Variants in SYNCRIP observed in about 807,000 individuals in gnomAD.
SYNCRIP encodes heterogeneous nuclear ribonucleoprotein Q.
Under a neutral mutation model 68.9 loss-of-function variants are expected in SYNCRIP, and 9 were observed. The observed-to-expected ratio is 0.13, with a 90% confidence interval of 0.08 to 0.23. The LOEUF (loss-of-function observed/expected upper bound fraction) is 0.23, where lower values mean the gene tolerates loss of function less well. Among genes scored for constraint, SYNCRIP ranks in the 10% least tolerant of loss-of-function variants. SYNCRIP has a pLI of 1.00. For synonymous variants in SYNCRIP, 258 were observed against 254.0 expected, an observed-to-expected ratio of 1.02 and a Z score of -0.15; for missense variants, 414 against 770.6, an observed-to-expected ratio of 0.54 and a Z score of 5.48.
chr6:85,614,870 G>A lies in SYNCRIP; in HGVS notation c.1758C>T (p.Gly586=), dbSNP rs1395715423. The change falls in exon 11 of 11, where the codon GGC becomes GGT. Residue 586 remains glycine, a synonymous_variant. Transcript: ENST00000369622. ...KRRQTNNQNW[G]SQPIAQQPLQ... ...GCGGTTGCTGAGCAATGGGTTGGGA[G>A]CCCCAGTTCTGATTATTGGTCTGGC... 24 of 1,614,040 alleles carry A rather than the reference G, an allele frequency of 1.5e-5. No individual in the cohort carries two copies. Among genetic ancestry groups the A allele is most frequent in the East Asian group, 2.2e-5 (1 of 44,892 alleles).
intron 8 of SYNCRIP, among the ~76,000 whole-genome samples, chr6:85,622,091 G>A (rs1417060702): frequency 6.6e-6 from 1 of 152,118 alleles, no homozygotes; most frequent in African/African-American, 2.4e-5. Flanking sequence ...TGTGTCCAGG[G>A]CCAGGTGCAA....
At chr6:85,632,671 G>C (rs935349394) in intron 6 of SYNCRIP, among the ~76,000 whole-genome samples, 1 of 152,230 alleles carries the variant, frequency 6.6e-6, no homozygotes, top group Non-Finnish European at 1.5e-5. Context: ...GCCAGGCGCA[G>C]TGGCTCATGC....
intron 6 of SYNCRIP, among the ~76,000 whole-genome samples, chr6:85,624,718 G>T (rs112356980): frequency 1.3e-5 from 2 of 152,174 alleles, no homozygotes; most frequent in South Asian, 4.1e-4. Context: ...AAAGTAAATT[G>T]AATTTTCGAG....
At chr6:85,617,559 T>G (rs1805926243) in intron 10 of SYNCRIP, among the ~76,000 whole-genome samples, 1 of 152,234 alleles carries the variant, frequency 6.6e-6, no homozygotes, top group African/African-American at 2.4e-5. Context: ...TATATTTTCT[T>G]TGGTCCCAGA....
At chr6:85,626,180 A>C (rs1489424724) in intron 6 of SYNCRIP, among the ~76,000 whole-genome samples, 1 of 152,246 alleles carries the variant, frequency 6.6e-6, no homozygotes, top group Admixed American at 6.5e-5. Context: ...CCATCATTGC[A>C]CAGAATTATG....
At chr6:85,622,448 C>T in intron 8 of SYNCRIP, 34 bp downstream of exon 8, 1 of 1,598,978 alleles carries the variant, frequency 6.3e-7, no homozygotes, top group Non-Finnish European at 8.6e-7. Flanking sequence ...CCCATTAATC[C>T]CTCAAAAAAT....
At chr6:85,637,893 A>G (rs1269430833) in intron 4 of SYNCRIP, among the ~76,000 whole-genome samples, 2 of 152,332 alleles carry the variant, frequency 1.3e-5, no homozygotes, top group East Asian at 3.9e-4. Flanking sequence ...TTTACGTGCC[A>G]TATTTCATGG....
At chr6:85,627,897 G>C (rs751521852) in intron 6 of SYNCRIP, among the ~76,000 whole-genome samples, 3 of 152,130 alleles carry the variant, frequency 2.0e-5, no homozygotes, top group Non-Finnish European at 2.9e-5. Context: ...CTGTCATCAA[G>C]TCTCAAAATT....
intron 1 of SYNCRIP, among the ~76,000 whole-genome samples, chr6:85,642,457 G>C (rs1201190431): frequency 6.6e-6 from 1 of 152,156 alleles, no homozygotes; most frequent in Non-Finnish European, 1.5e-5. Context: ...CCGCACGGCT[G>C]CAGGACAAGA....
intron 6 of SYNCRIP, among the ~76,000 whole-genome samples, chr6:85,627,653 G>GT (rs1191619236): frequency 6.6e-6 from 1 of 152,140 alleles, no homozygotes; most frequent in African/African-American, 2.4e-5. Context: ...CTCAAGAAGT[G>GT]TATCAGGACA....
At chr6:85,610,007 T>C (rs940137283), downstream of SYNCRIP, 4 of 151,954 alleles carry the variant, frequency 2.6e-5, no homozygotes, top group African/African-American at 9.7e-5. Context: ...TTAGTTATTT[T>C]TGCATTTCCA....
intron 6 of SYNCRIP, among the ~76,000 whole-genome samples, chr6:85,635,518 C>T (rs1042102463): frequency 6.6e-6 from 1 of 151,982 alleles, no homozygotes; most frequent in Non-Finnish European, 1.5e-5. Context: ...GTCTGCAATC[C>T]CAGCACTTTG....
At chr6:85,608,436 A>G (rs1046093143) in exon 12 of SYNCRIP, 2 of 152,060 alleles carry the variant, frequency 1.3e-5, no homozygotes, top group Admixed American at 6.6e-5. Context: ...GATAGTACAG[A>G]TAGTTTTTGA....
At chr6:85,638,214 A>T (rs567690915) in intron 4 of SYNCRIP, among the ~76,000 whole-genome samples, 36 of 152,194 alleles carry the variant, frequency 2.4e-4, no homozygotes, top group African/African-American at 8.7e-4. Context: ...TCTACTAAAA[A>T]TACAAAAAAT....
downstream of SYNCRIP, chr6:85,611,587 A>C (rs1178605635): frequency 6.6e-6 from 1 of 152,600 alleles, no homozygotes; most frequent in Admixed American, 6.5e-5. Flanking sequence ...TTTTACTTTA[A>C]GCTATCAACT....
At chr6:85,620,690 C>A (rs1806287026) in intron 8 of SYNCRIP, among the ~76,000 whole-genome samples, 1 of 152,160 alleles carries the variant, frequency 6.6e-6, no homozygotes, top group Non-Finnish European at 1.5e-5. Flanking sequence ...AACAAATGTA[C>A]TATTCCAGTG....
chr6:85,635,188 A>G (rs971220226), intron 6 of SYNCRIP, among the ~76,000 whole-genome samples: 1 of 152,086 alleles, frequency 6.6e-6, no homozygotes, highest in African/African-American at 2.4e-5. Context: ...AACAAACTAA[A>G]GGATTTCTAA....
Position 85,614,340 on chromosome 6 carries a change from A to G in SYNCRIP, c.*416T>C. ...AAAAATAGCAGTTGTGTATCAATTT[A>G]CCTTATTCTAGCAATTTAAGTTGGT... On this transcript the variant is annotated 3_prime_UTR_variant, in exon 11 of 11. Coordinates refer to ENST00000369622, the MANE Select transcript of SYNCRIP (RefSeq NM_006372.5). The G allele has an allele frequency of 1.3e-5, 13 of 988,438 alleles. No individual in the cohort carries two copies. Among genetic ancestry groups the G allele is most frequent in the Non-Finnish European group, 1.6e-5 (13 of 831,828 alleles). The allele number at this position is 988,438 out of a possible 1,614,324, so 61.2% of individuals were successfully genotyped here.
intron 6 of SYNCRIP, among the ~76,000 whole-genome samples, chr6:85,634,426 G>T (rs780051973): frequency 6.6e-6 from 1 of 152,152 alleles, no homozygotes; most frequent in Non-Finnish European, 1.5e-5. Flanking sequence ...GTTAAAAAAT[G>T]GATGACACCA....
Sources: gnomAD v4.1 joint callset for allele counts (sites outside exome capture counted in the v4.1 genomes callset) on GRCh38, gnomAD v4.1.1 for gene constraint, MANE v1.5 for transcripts, NCBI Gene and HGNC (gene_info 2026-07-23, HGNC 2026-07-21) for gene names.